The following TMX4 variants were observed in gnomAD, a reference collection of about 807,000 sequenced individuals.
The protein encoded by TMX4 is thioredoxin related transmembrane protein 4, also known as thioredoxin-related transmembrane protein 4.
TMX4 carries 23 observed loss-of-function variants against 33.3 expected under a neutral mutation model. That is an observed-to-expected ratio of 0.69 (90% CI 0.50 to 0.98). TMX4 has a LOEUF of 0.98. Among genes scored for constraint, TMX4 ranks in the 50% least tolerant of loss-of-function variants. The probability of loss-of-function intolerance (pLI) is 0.00; values close to 1 mark genes in which losing one functional copy is unlikely to be tolerated. For missense variants in TMX4, 399 were observed against 448.9 expected, an observed-to-expected ratio of 0.89 and a Z score of 1.01; for synonymous variants, 164 against 161.5, an observed-to-expected ratio of 1.02 and a Z score of -0.12.
chr20:8,000,031 A>T (rs932303), intron 3 of TMX4, among the ~76,000 whole-genome samples, 171 bp from the exon 4 acceptor site: 1 of 152,206 alleles, frequency 6.6e-6, no homozygotes. Flanking sequence ...AAGCTTTACT[A>T]TAAGTGAGAA....
At chr20:7,982,881 G>T (rs993393907) in intron 7 of TMX4, among the ~76,000 whole-genome samples, 1 of 152,136 alleles carries the variant, frequency 6.6e-6, no homozygotes, top group Non-Finnish European at 1.5e-5. Context: ...CTTTACGCTC[G>T]GTATTTTGTG....
At position 8,016,841 on chromosome 20, in the gene TMX4, A is replaced by G. The variant is rs573723636; in HGVS notation, c.176+2597T>C. On this transcript the variant is annotated intron_variant, in intron 1 of 7. Transcript: ENST00000246024. ...GTCTTTAAAGAAGTTAACTACAACA[A>G]AAGCTTCTCAATCTGTTTCTTTAAA... Among the ~76,000 whole-genome samples, 4 of 152,354 alleles carry G rather than the reference A, an allele frequency of 2.6e-5. No homozygotes were observed. In the South Asian group the frequency reaches 8.3e-4, roughly 32 times the overall value.
chr20:7,977,485 G>A lies in TMX4; in HGVS notation c.*4766C>T, dbSNP rs1173553531. On this transcript the variant is annotated 3_prime_UTR_variant, in exon 8 of 8. Coordinates refer to ENST00000246024, the MANE Select transcript of TMX4 (RefSeq NM_021156.4). Reference sequence around the variant, plus strand: ...TTACCAATCACTATCATTAGGTTTTGATGCAAATGGGAATTTACAATAAAA... The same window carrying A: ...TTACCAATCACTATCATTAGGTTTTAATGCAAATGGGAATTTACAATAAAA... 1 of 152,212 alleles carries A rather than the reference G, an allele frequency of 6.6e-6. No homozygotes were observed. 9.4% of individuals were successfully genotyped at this position (152,212 alleles called of 1,614,324 possible).
intron 5 of TMX4, among the ~76,000 whole-genome samples, chr20:7,993,559 A>G (rs768407000): frequency 5.3e-5 from 8 of 152,168 alleles, no homozygotes; most frequent in Admixed American, 1.3e-4. Flanking sequence ...CCTGATGGGT[A>G]GCCAAGGACT....
chr20:7,988,887 G>A (rs1220963618), intron 5 of TMX4, among the ~76,000 whole-genome samples: 1 of 152,122 alleles, frequency 6.6e-6, no homozygotes, highest in East Asian at 1.9e-4. Context: ...GCTGGGCGTA[G>A]TGGCAAGCGC....
At chr20:8,006,541 G>A (rs1387236561) in intron 2 of TMX4, among the ~76,000 whole-genome samples, 2 of 152,080 alleles carry the variant, frequency 1.3e-5, no homozygotes, top group Non-Finnish European at 2.9e-5. Context: ...TCATTTCAAT[G>A]AGTTTTTACT....
chr20:8,004,124 CAAA>C (rs755739694), intron 2 of TMX4, among the ~76,000 whole-genome samples: 1 of 132,350 alleles, frequency 7.6e-6, no homozygotes. Context: ...AAATTCATCT[CAAA>C]AAAAAAAAAA....
chr20:8,003,678 G>T (rs2050716401), intron 2 of TMX4, among the ~76,000 whole-genome samples: 1 of 152,094 alleles, frequency 6.6e-6, no homozygotes, highest in Non-Finnish European at 1.5e-5. Flanking sequence ...GTCACAGATG[G>T]TCTCTGAGGT....
At chr20:7,982,801 A>AC (rs1448477528) in intron 7 of TMX4, among the ~76,000 whole-genome samples, 180 bp from the exon 8 acceptor site, 1 of 152,056 alleles carries the variant, frequency 6.6e-6, no homozygotes, top group Non-Finnish European at 1.5e-5. Context: ...GGGCTTCTCC[A>AC]CCTGTCTCTG....
chr20:8,019,420 G>A lies in TMX4; in HGVS notation c.176+18C>T. ...CCGCGAGGACACTGCGGCGTCCGGG[G>A]CGGGCGGGCACACTCACAATTTCAG... is the stretch of plus-strand genomic sequence containing the variant. On this transcript the variant is annotated intron_variant, in intron 1 of 7. Transcript: ENST00000246024. 3 of 1,513,038 alleles carry A rather than the reference G, an allele frequency of 2.0e-6. No homozygotes were observed. The allele number at this position is 1,513,038 out of a possible 1,614,324, so 93.7% of individuals were successfully genotyped here. A position where few individuals can be genotyped will look rare whatever the true frequency, so the allele number is the denominator to read the frequency against.
chr20:8,005,396 C>T (rs573024853), intron 2 of TMX4, among the ~76,000 whole-genome samples: 70 of 152,320 alleles, frequency 4.6e-4, no homozygotes, highest in Non-Finnish European at 2.5e-4. Flanking sequence ...TCGGCTTCTA[C>T]ATCTCAGCCA....
intron 1 of TMX4, among the ~76,000 whole-genome samples, chr20:8,015,924 A>G (rs1201390052): frequency 6.6e-6 from 1 of 152,230 alleles, no homozygotes; most frequent in Non-Finnish European, 1.5e-5. Flanking sequence ...CCAAAGACAT[A>G]CTTTTCTTCT....
chr20:8,012,890 T>C (rs538334338), intron 1 of TMX4, among the ~76,000 whole-genome samples: 1 of 152,144 alleles, frequency 6.6e-6, no homozygotes, highest in Non-Finnish European at 1.5e-5. Context: ...ATTTCACAGA[T>C]TTAATCACAG....
intron 4 of TMX4, among the ~76,000 whole-genome samples, chr20:7,999,488 TG>T (rs2050693246): frequency 6.6e-6 from 1 of 152,196 alleles, no homozygotes; most frequent in Admixed American, 6.6e-5. Context: ...GTGTAAAAGC[TG>T]GAAAAGAGGC....
At position 8,002,443 on chromosome 20, in the gene TMX4, C is replaced by T. The variant is rs2050711546; in HGVS notation, c.293-902G>A. ...GTATGCAAAAAAATGCTGAATGAGA[C>T]TAGGAGTAAAGAACAGATCCTTGCC... On this transcript the variant is annotated intron_variant, in intron 2 of 7. Transcript: ENST00000246024. Among the ~76,000 whole-genome samples, 3 of 152,084 alleles carry T rather than the reference C, an allele frequency of 2.0e-5. No individual in the cohort carries two copies. The South Asian group carries it at 6.2e-4, about 32-fold the overall frequency.
chr20:7,984,341 C>T lies in TMX4; in HGVS notation c.616-484G>A, dbSNP rs371712440. On this transcript the variant is annotated intron_variant, in intron 6 of 7. Transcript: ENST00000246024. ...GGCAGTCAGGAGAGAACAGCAGCAC[C>T]GCCTGGCTGCTCTAAGCTAAACTAA... is the stretch of plus-strand genomic sequence containing the variant. Among the ~76,000 whole-genome samples the T allele has an allele frequency of 4.6e-5, 7 of 152,156 alleles. No individual in the cohort carries two copies. In the South Asian group the frequency reaches 6.2e-4, roughly 13 times the overall value.
In TMX4 at chr20:7,979,210, G is replaced by A. The variant is rs1237288030; in HGVS notation, c.*3041C>T. The A allele has an allele frequency of 6.6e-6, 1 of 151,672 alleles. No homozygotes were observed. Among genetic ancestry groups the A allele is most frequent in the Non-Finnish European group, 1.5e-5 (1 of 67,956 alleles). The allele number at this position is 151,672 out of a possible 1,614,324, so 9.4% of individuals were successfully genotyped here. On this transcript the variant is annotated 3_prime_UTR_variant, in exon 8 of 8. Transcript: ENST00000246024. ...TATAAAGTTTAAATTATTTCAGGTTGGCTTTTCTCCTTTAGTTTTATATTC... is the reference window on the plus strand; with the variant it reads ...TATAAAGTTTAAATTATTTCAGGTTAGCTTTTCTCCTTTAGTTTTATATTC...
At chr20:8,005,154 G>A (rs567200253) in intron 2 of TMX4, among the ~76,000 whole-genome samples, 1 of 152,274 alleles carries the variant, frequency 6.6e-6, no homozygotes, top group African/African-American at 2.4e-5. Context: ...ACACTTGGCT[G>A]TGGCAGGAGA....
At chr20:8,019,347 G>C (rs1310589289) in intron 1 of TMX4, 91 bp downstream of exon 1, 1 of 1,386,706 alleles carries the variant, frequency 7.2e-7, no homozygotes, top group Non-Finnish European at 9.5e-7. Context: ...GAGCCCAAGC[G>C]GCAATGCGGG....
Sources: gnomAD v4.1 joint callset for allele counts (sites outside exome capture counted in the v4.1 genomes callset) on GRCh38, gnomAD v4.1.1 for gene constraint, MANE v1.5 for transcripts, NCBI Gene and HGNC (gene_info 2026-07-23, HGNC 2026-07-21) for gene names.